Variants in CTBP1 observed in about 807,000 individuals in gnomAD.
CTBP1 encodes the protein C-terminal-binding protein 1.
CTBP1 carries 11 observed loss-of-function variants against 42.1 expected under a neutral mutation model. The observed-to-expected ratio is 0.26, with a 90% CI of 0.16 to 0.43. CTBP1 has a LOEUF of 0.43. Among genes scored for constraint, CTBP1 ranks in the 20% least tolerant of loss-of-function variants. CTBP1 has a pLI of 1.00. For synonymous variants in CTBP1, 324 were observed against 277.1 expected, an observed-to-expected ratio of 1.17 and a Z score of -1.68; for missense variants, 399 against 624.3, an observed-to-expected ratio of 0.64 and a Z score of 3.85.
chr4:1,225,565 G>A lies in CTBP1; in HGVS notation c.309C>T (p.Gly103=). The change falls in exon 5 of 10, where the codon GGC becomes GGT. Residue 103 remains glycine, a splice_region_variant and synonymous_variant. Coordinates refer to ENST00000382952, the MANE Select transcript of CTBP1 (RefSeq NM_001012614.2). ...NIDIKSAGDL[G]IAVCNVPAAS... The stretch of plus-strand genomic sequence containing the variant: ...CCGCGGGCACGTTGCAGACGGCAAT[G>A]CCTGTGGGGACAAGGACACGGCGGT... 6.5e-7 allele frequency: 1 copy of A among 1,539,898 alleles called. No homozygotes were observed. The highest frequency in any genetic ancestry group is 1.4e-5 in the African/African-American group (1 of 73,136).
chr4:1,242,173 C>G, intron 1 of CTBP1: 1 of 985,458 alleles, frequency 1.0e-6, no homozygotes, highest in African/African-American at 1.7e-5. Flanking sequence ...GGCACGAACC[C>G]CAGTGGCTGA....
chr4:1,212,395 G>A lies in CTBP1; in HGVS notation c.1135C>T (p.Pro379Ser). 2.0e-6 allele frequency: 3 copies of A among 1,487,668 alleles called. No homozygotes were observed. Among genetic ancestry groups the A allele is most frequent in the Non-Finnish European group, 2.7e-6 (3 of 1,122,714 alleles). The allele number at this position is 1,487,668 out of a possible 1,614,324, so 92.2% of individuals were successfully genotyped here. The part of the protein sequence containing the change: ...RYPPGVVGVA[P>S]TGIPAAVEGI... ...TCCACAGCAGCTGGGATGCCAGTGG[G>A]GGCCACGCCCACCACGCCCGGAGGG... The change falls in exon 10 of 10, where the codon CCC (proline) becomes TCC (serine). Residue 379 changes from proline (P) to serine (S), a missense_variant. By Grantham distance (74) the Pro-to-Ser change is moderately conservative (BLOSUM62 -1). Coordinates refer to ENST00000382952, the MANE Select transcript of CTBP1 (RefSeq NM_001012614.2).
chr4:1,227,049 C>T (rs1577044441), intron 4 of CTBP1, among the ~76,000 whole-genome samples: 2 of 151,978 alleles, frequency 1.3e-5, no homozygotes, highest in African/African-American at 2.4e-5. Flanking sequence ...AAAAACAGAC[C>T]GAGCCTGGCA....
chr4:1,244,295 G>T, intron 1 of CTBP1: 2 of 985,218 alleles, frequency 2.0e-6, no homozygotes, highest in Non-Finnish European at 2.4e-6. Flanking sequence ...GGCACACTGG[G>T]GGTCACCATG....
At chr4:1,229,018 A>G (rs1433061237) in intron 3 of CTBP1, among the ~76,000 whole-genome samples, 1 of 152,110 alleles carries the variant, frequency 6.6e-6, no homozygotes, top group African/African-American at 2.4e-5. Flanking sequence ...GTCCATGACA[A>G]CTCTTAGACC....
In CTBP1 at chr4:1,213,602, A is replaced by G. The variant is rs1728772079; in HGVS notation, c.864T>C (p.Phe288=). The G allele has an allele frequency of 1.2e-6, 2 of 1,612,744 alleles. No individual in the cohort carries two copies. Among genetic ancestry groups the G allele is most frequent in the African/African-American group, 1.3e-5 (1 of 74,906 alleles). Residue 288 remains phenylalanine (F), a synonymous_variant, in exon 8 of 10, where the codon TTT becomes TTC. Transcript: ENST00000382952. ...LDVHESEPFS[F]SQGPLKDAPN... The stretch of plus-strand genomic sequence containing the variant: ...GTGCATCCTTCAGAGGGCCCTGGCT[A>G]AAGCTGGGAACAGCACAGGCATGGT...
chr4:1,248,956 C>G lies in CTBP1; in HGVS notation c.-229G>C. The G allele has an allele frequency of 1.0e-6, 1 of 1,003,508 alleles. No individual in the cohort carries two copies. Among genetic ancestry groups the G allele is most frequent in the Non-Finnish European group, 1.2e-6 (1 of 837,848 alleles). The allele number at this position is 1,003,508 out of a possible 1,614,324, so 62.2% of individuals were successfully genotyped here. A position where few individuals can be genotyped will look rare whatever the true frequency, so the allele number is the denominator to read the frequency against. ...TGTTGAGCAAGTGCGAGCTGCCCATCGAGAGGCGCGAGCGGCCGCGGGCCC... is the reference window on the plus strand; with the variant it reads ...TGTTGAGCAAGTGCGAGCTGCCCATGGAGAGGCGCGAGCGGCCGCGGGCCC... On this transcript the variant is annotated 5_prime_UTR_variant, in exon 1 of 10. Coordinates refer to ENST00000382952, the MANE Select transcript of CTBP1 (RefSeq NM_001012614.2).
rs1732259645 is a variant in CTBP1, at chr4:1,242,297, C to T, written c.-188-778G>A. On this transcript the variant is annotated intron_variant, in intron 1 of 9. Transcript: ENST00000382952. ...TCACTGAGCTGCCCACACCTGGCCC[C>T]TGCTCTGGCATGAAGACACAGCACC... 4.1e-6 allele frequency: 4 copies of T among 985,274 alleles called. No homozygotes were observed. In the South Asian group the frequency reaches 1.4e-4, roughly 35 times the overall value. The allele number at this position is 985,274 out of a possible 1,614,324, so 61.0% of individuals were successfully genotyped here.
At position 1,238,391 on chromosome 4, in the gene CTBP1, A is replaced by C. The variant is rs918174069; in HGVS notation, c.8-54T>G. On this transcript the variant is annotated intron_variant, in intron 2 of 9. Transcript: ENST00000382952. This position sits in a 1 kb window ranked among gnomAD's most constrained non-coding sequence, Gnocchi z 5.9. ...TGCACCACTGCGGCCCCGTGGCTAC[A>C]ACCCACTCCACGCCACCCACTGTGC... The C allele has an allele frequency of 4.7e-6, 7 of 1,503,916 alleles. No individual in the cohort carries two copies. In the Admixed American group the frequency reaches 1.3e-4, roughly 28 times the overall value. The allele number at this position is 1,503,916 out of a possible 1,614,324, so 93.2% of individuals were successfully genotyped here.
At chr4:1,231,750 G>A (rs1462755973) in intron 3 of CTBP1, among the ~76,000 whole-genome samples, 5 of 152,244 alleles carry the variant, frequency 3.3e-5, no homozygotes, top group Admixed American at 3.3e-4. Flanking sequence ...CCCAGGGTGG[G>A]GCTGGGCTGA....
intron 1 of CTBP1, chr4:1,243,187 G>A: frequency 1.1e-5 from 11 of 985,450 alleles, no homozygotes; most frequent in Non-Finnish European, 1.3e-5. Flanking sequence ...GCTCCTGGAG[G>A]ATCATCGATA....
chr4:1,213,691 TG>T, intron 7 of CTBP1, 86 bp from the exon 8 acceptor site: 11 of 1,505,304 alleles, frequency 7.3e-6, no homozygotes, highest in Non-Finnish European at 8.0e-6. Flanking sequence ...GAACCCCCTG[TG>T]GGGGGCCCTG....
intron 1 of CTBP1, chr4:1,242,729 C>T (rs1732307650): frequency 3.3e-5 from 33 of 985,414 alleles, no homozygotes; most frequent in Non-Finnish European, 4.0e-5. Context: ...GCGCCTGAGC[C>T]CCCATGACCT....
At chr4:1,239,923 T>C (rs897496313) in intron 2 of CTBP1, among the ~76,000 whole-genome samples, 1 of 152,248 alleles carries the variant, frequency 6.6e-6, no homozygotes, top group Admixed American at 6.5e-5. Context: ...CCAGTGACAC[T>C]GTACATGGCC....
At chr4:1,232,689 C>G (rs1731080384) in intron 3 of CTBP1, among the ~76,000 whole-genome samples, 1 of 152,228 alleles carries the variant, frequency 6.6e-6, no homozygotes, top group African/African-American at 2.4e-5. Flanking sequence ...CCACAGAAAA[C>G]ATTGTATGTT....
intron 7 of CTBP1, 26 bp downstream of exon 7, chr4:1,214,317 G>A (rs371959866): frequency 6.5e-7 from 1 of 1,528,488 alleles, no homozygotes. Flanking sequence ...GGAAGAGCAG[G>A]GGGGCGGCAC....
At chr4:1,229,647 G>A (rs1233229429) in intron 3 of CTBP1, among the ~76,000 whole-genome samples, 1 of 152,226 alleles carries the variant, frequency 6.6e-6, no homozygotes, top group Non-Finnish European at 1.5e-5. Flanking sequence ...AGGGCGTCCT[G>A]TGGGAGCTGA....
chr4:1,213,681 G>A (rs2108703110), intron 7 of CTBP1, 76 bp from the exon 8 acceptor site: 1 of 1,543,236 alleles, frequency 6.5e-7, no homozygotes, highest in South Asian at 1.2e-5. Context: ...CTGGGCACTG[G>A]AACCCCCTGT....
At chr4:1,248,677 C>T in intron 1 of CTBP1, 2 of 983,116 alleles carry the variant, frequency 2.0e-6, no homozygotes, top group African/African-American at 1.8e-5. Flanking sequence ...GGGCCGCGGG[C>T]GGGGAGAGCA....
Sources: gnomAD v4.1 joint callset for allele counts (sites outside exome capture counted in the v4.1 genomes callset) on GRCh38, gnomAD v4.1.1 for gene constraint, Gnocchi (gnomAD v3.1) non-coding constraint, MANE v1.5 for transcripts, NCBI Gene and HGNC (gene_info 2026-07-23, HGNC 2026-07-21) for gene names.